Variants in SPNS1 observed in about 807,000 individuals in gnomAD.
The protein encoded by SPNS1 is protein spinster homolog 1.
A neutral mutation model predicts 50.3 loss-of-function variants in SPNS1; 22 were observed. The observed-to-expected ratio is 0.44, with a 90% CI of 0.31 to 0.62. SPNS1 has a LOEUF of 0.62. Among genes scored for constraint, SPNS1 ranks in the 20% least tolerant of loss-of-function variants. The probability of loss-of-function intolerance (pLI) is 0.07; values close to 1 mark genes in which losing one functional copy is unlikely to be tolerated. For missense variants in SPNS1, 576 were observed against 728.6 expected (o/e 0.79, Z 2.41); for synonymous variants, 295 against 317.4 (o/e 0.93, Z 0.75).
rs1596763628 is a variant in SPNS1 at position 28,984,361 on chromosome 16, G to A, written c.*62G>A. ...CTGGCCCTGGGCCCACCCCACGAAG[G>A]GCCTGGGCCTAACCCCTTGGCCTGG... On this transcript the variant is annotated 3_prime_UTR_variant, in exon 12 of 12. Transcript: ENST00000311008. The A allele has an allele frequency of 1.3e-6, 2 of 1,530,034 alleles. No individual in the cohort carries two copies. The highest frequency in any genetic ancestry group is 4.6e-5 in the East Asian group (2 of 43,134). The allele number at this position is 1,530,034 out of a possible 1,614,324, so 94.8% of individuals were successfully genotyped here.
chr16:28,982,350 C>A lies in SPNS1; in HGVS notation c.966-6C>A, dbSNP rs766078801. 6.4e-7 allele frequency: 1 copy of A among 1,573,698 alleles called. No homozygotes were observed. Among genetic ancestry groups the A allele is most frequent in the Admixed American group, 1.8e-5 (1 of 56,696 alleles). ...CAAACCCCCCATTCCCTTCCCTCAC[C>A]CCTAGTCTCATCTTTGGACTCATCA... On this transcript the variant is annotated splice_region_variant and splice_polypyrimidine_tract_variant and intron_variant, in intron 7 of 11. Transcript: ENST00000311008.
chr16:28,974,913 T>C lies in SPNS1; in HGVS notation c.-239T>C, dbSNP rs768106797. 4 of 1,521,398 alleles carry C rather than the reference T, an allele frequency of 2.6e-6. No homozygotes were observed. The allele number at this position is 1,521,398 out of a possible 1,614,324, so 94.2% of individuals were successfully genotyped here. ...TCGTGCCCTCTTCAGCCCGCTCCTG[T>C]CCCCGACATCACGTGTATTCCGCAC... On this transcript the variant is annotated 5_prime_UTR_variant, in exon 1 of 12. Transcript: ENST00000311008.
chr16:28,981,974 C>G lies in SPNS1; in HGVS notation c.883C>G (p.Pro295Ala). 1.9e-6 allele frequency: 3 copies of G among 1,614,252 alleles called. No homozygotes were observed. The highest frequency in any genetic ancestry group is 8.5e-7 in the Non-Finnish European group (1 of 1,180,052). Residue 295 changes from proline to alanine, a missense_variant, in exon 7 of 12, where the codon CCG (proline) becomes GCG (alanine). Coordinates refer to ENST00000311008, the MANE Select transcript of SPNS1 (RefSeq NM_032038.3). The surrounding 1 kb of genome is among the most constrained non-coding windows in gnomAD (Gnocchi z 4.2). ...FVTGSLALWA[P>A]AFLLRSRVVL... The stretch of plus-strand genomic sequence containing the variant: ...CACGGGCTCCCTGGCTCTGTGGGCT[C>G]CGGCATTCCTGCTGCGTTCCCGCGT...
Position 28,975,292 on chromosome 16 carries a change from G to A in SPNS1, c.141G>A (p.Leu47=), listed in dbSNP as rs762017359. The A allele has an allele frequency of 8.2e-6, 13 of 1,580,326 alleles. No homozygotes were observed. The African/African-American group carries it at 1.2e-4, about 15-fold the overall frequency. The change falls in exon 1 of 12, where the codon CTG becomes CTA. Residue 47 remains leucine, a synonymous_variant. Transcript: ENST00000311008. ...EEPEVPDQEG[L]QRITGLSPGR... is the part of the protein sequence containing the mutation. Reference sequence around the variant, plus strand: ...CCGAGGTCCCGGACCAGGAGGGGCTGCAGCGCATCACCGGCCTGTCTCCCG... The same window carrying A: ...CCGAGGTCCCGGACCAGGAGGGGCTACAGCGCATCACCGGCCTGTCTCCCG...
chr16:28,984,574 G>C, downstream of SPNS1: 1 of 615,110 alleles, frequency 1.6e-6, no homozygotes, highest in South Asian at 1.9e-5. Flanking sequence ...CTTTCTCTGG[G>C]TGGCCTCTGA....
At chr16:28,976,677 C>G (rs1965354855) in intron 2 of SPNS1, among the ~76,000 whole-genome samples, 1 of 152,140 alleles carries the variant, frequency 6.6e-6, no homozygotes, top group South Asian at 2.1e-4. Context: ...CCAGGTCTTG[C>G]AGTGTTCTTT....
chr16:28,975,419 T>G (rs1228996919), intron 1 of SPNS1, 27 bp downstream of exon 1: 1 of 1,614,128 alleles, frequency 6.2e-7, no homozygotes, highest in South Asian at 1.1e-5. Flanking sequence ...GGGAGGAAGA[T>G]AGTCTAGGAG....
Position 28,974,798 on chromosome 16 carries a change from CAT to C in SPNS1, c.-353_-352del, listed in dbSNP as rs747079235. On this transcript the variant is annotated 5_prime_UTR_variant, in exon 1 of 12. An upstream start codon of the reference 5' UTR is lost. Transcript: ENST00000311008. ...GCGTCACATGACCGGCTTTAAGCAA[CAT>C]GGCGGCTGCCGTGGTGCAGCGCCCG... is the stretch of plus-strand genomic sequence containing the variant. The C allele has an allele frequency of 1.5e-4, 234 of 1,535,730 alleles. No homozygotes were observed. The highest frequency in any genetic ancestry group is 2.0e-4 in the Non-Finnish European group (231 of 1,146,572).
In SPNS1 at chr16:28,984,425, C is replaced by T. The variant is rs1965687730; in HGVS notation, c.*126C>T. The T allele has an allele frequency of 1.1e-6, 1 of 950,106 alleles. No individual in the cohort carries two copies. The highest frequency in any genetic ancestry group is 1.6e-5 in the African/African-American group (1 of 61,914). 58.9% of individuals were successfully genotyped at this position (950,106 alleles called of 1,614,324 possible). A position where few individuals can be genotyped will look rare whatever the true frequency, so the allele number is the denominator to read the frequency against. ...GGGACCCTGGGCCGTGTGCCAGCTC[C>T]CAGACACTACCTGGGTAGCTCAGGG... On this transcript the variant is annotated 3_prime_UTR_variant, in exon 12 of 12. Transcript: ENST00000311008.
Position 28,982,386 on chromosome 16 carries a change from C to G in SPNS1, c.996C>G (p.Thr332=), listed in dbSNP as rs374685580. ...SLIFGLITCL[T]GVLGVGLGVE... ...TCTTTGGACTCATCACCTGCCTGAC[C>G]GGAGTCCTGGGTGTGGGCCTGGGTG... Residue 332 remains threonine (T), a synonymous_variant, in exon 8 of 12, where the codon ACC becomes ACG. Transcript: ENST00000311008. The G allele has an allele frequency of 6.2e-7, 1 of 1,604,880 alleles. No individual in the cohort carries two copies. Among genetic ancestry groups the G allele is most frequent in the Admixed American group, 1.7e-5 (1 of 59,260 alleles).
chr16:28,983,757 C>T lies in SPNS1; in HGVS notation c.1321-29C>T, dbSNP rs1443920106. 1.3e-6 allele frequency: 2 copies of T among 1,548,688 alleles called. No homozygotes were observed. Among genetic ancestry groups the T allele is most frequent in the Non-Finnish European group, 1.7e-6 (2 of 1,148,384 alleles). Reference sequence around the variant, plus strand: ...CTGGTTCATCCATGAGGCTGACTCCCCTGGCTTTCCTGTCTCCTCTCCCTG... The same window carrying T: ...CTGGTTCATCCATGAGGCTGACTCCTCTGGCTTTCCTGTCTCCTCTCCCTG... On this transcript the variant is annotated intron_variant, in intron 10 of 11. Coordinates refer to ENST00000311008, the MANE Select transcript of SPNS1 (RefSeq NM_032038.3). The surrounding 1 kb of genome is among the most constrained non-coding windows in gnomAD (Gnocchi z 5.4).
intron 5 of SPNS1, chr16:28,979,675 C>G (rs1567523540): frequency 1.7e-6 from 1 of 597,452 alleles, no homozygotes; most frequent in Non-Finnish European, 3.0e-6. Context: ...CTCAGCCTCC[C>G]AAGTAGCTGG....
At chr16:28,984,111 G>A (rs1424649370) in intron 11 of SPNS1, 94 bp from the exon 12 acceptor site, 13 of 1,453,740 alleles carry the variant, frequency 8.9e-6, no homozygotes, top group East Asian at 2.3e-5. Flanking sequence ...TGGCTCTGTG[G>A]CTGCCCCATC....
At chr16:28,975,422 T>C in intron 1 of SPNS1, 30 bp downstream of exon 1, 2 of 1,614,172 alleles carry the variant, frequency 1.2e-6, no homozygotes, top group Non-Finnish European at 8.5e-7. Flanking sequence ...AGGAAGATAG[T>C]CTAGGAGAGG....
chr16:28,981,468 AG>A lies in SPNS1; in HGVS notation c.664del, dbSNP rs766037449. 6.2e-7 allele frequency: 1 copy of A among 1,613,944 alleles called. No homozygotes were observed. Among genetic ancestry groups the A allele is most frequent in the Non-Finnish European group, 8.5e-7 (1 of 1,179,952 alleles). On this transcript the variant is annotated splice_acceptor_variant, in intron 5 of 11. Transcript: ENST00000311008. LOFTEE classifies it high-confidence loss of function. This position sits in a 1 kb window ranked among gnomAD's most constrained non-coding sequence, Gnocchi z 4.2. ...CCTATCCTGAAGCCCTCTGTCTCCCAGGTGACACCGGGTCTAGGAGTGGTGG... is the reference window on the plus strand; with the variant it reads ...CCTATCCTGAAGCCCTCTGTCTCCCAGTGACACCGGGTCTAGGAGTGGTGG...
chr16:28,976,092 C>T (rs1408019937), intron 2 of SPNS1, among the ~76,000 whole-genome samples: 11 of 152,086 alleles, frequency 7.2e-5, no homozygotes, highest in Admixed American at 5.9e-4. Context: ...GTCAACATGA[C>T]GAAACCCCAT....
rs1475454332 is a variant in SPNS1 at position 28,982,352 on chromosome 16, C to G, written c.966-4C>G. 6.3e-7 allele frequency: 1 copy of G among 1,575,480 alleles called. No homozygotes were observed. The highest frequency in any genetic ancestry group is 8.6e-7 in the Non-Finnish European group (1 of 1,156,854). ...AACCCCCCATTCCCTTCCCTCACCC[C>G]TAGTCTCATCTTTGGACTCATCACC... On this transcript the variant is annotated splice_region_variant and splice_polypyrimidine_tract_variant and intron_variant, in intron 7 of 11. Coordinates refer to ENST00000311008, the MANE Select transcript of SPNS1 (RefSeq NM_032038.3).
intron 3 of SPNS1, 181 bp from the exon 4 acceptor site, chr16:28,978,974 A>G: frequency 1.4e-6 from 1 of 713,762 alleles, no homozygotes; most frequent in South Asian, 1.9e-5. Flanking sequence ...AGAGAGGTTA[A>G]GTTATTTTCC....
Position 28,975,357 on chromosome 16 carries a change from A to G in SPNS1, c.206A>G (p.Asn69Ser). Residue 69 changes from asparagine to serine, a missense_variant, in exon 1 of 12, where the codon AAT becomes AGT. Coordinates refer to ENST00000311008, the MANE Select transcript of SPNS1 (RefSeq NM_032038.3). The stretch of plus-strand genomic sequence containing the variant: ...ATAGTGGCGGTGCTGTGCTACATCA[A>G]TCTCCTGAACTACATGGACCGCTTC... Reference protein sequence around the residue: ...ALIVAVLCYINLLNYMDRFTV... With the variant: ...ALIVAVLCYISLLNYMDRFTV... The G allele has an allele frequency of 5.6e-6, 9 of 1,598,198 alleles. No individual in the cohort carries two copies. The highest frequency in any genetic ancestry group is 7.7e-6 in the Non-Finnish European group (9 of 1,169,614).
Sources: allele counts gnomAD v4.1 joint callset (sites outside exome capture counted in the v4.1 genomes callset), GRCh38; gene constraint gnomAD v4.1.1; non-coding constraint Gnocchi (gnomAD v3.1); transcripts MANE v1.5; gene names NCBI Gene and HGNC (gene_info 2026-07-23, HGNC 2026-07-21).